RUFY3: variants seen among roughly 807,000 people sequenced by gnomAD.
RUFY3 encodes the protein protein RUFY3.
RUFY3 carries 34 observed loss-of-function variants against 84.0 expected under a neutral mutation model. The observed-to-expected ratio is 0.40, with a 90% CI of 0.31 to 0.54. The LOEUF is 0.54. Ranked by LOEUF, RUFY3 falls within the 20% of genes least tolerant of loss-of-function variation. The pLI is 0.39. For synonymous variants in RUFY3, 242 were observed against 252.9 expected (o/e 0.96, Z 0.41); for missense variants, 507 against 736.8 (o/e 0.69, Z 3.61).
At chr4:70,799,085 C>CA (rs1731893221) in intron 14 of RUFY3, among the ~76,000 whole-genome samples, 1 of 144,704 alleles carries the variant, frequency 6.9e-6, no homozygotes. Context: ...GCAGAGGCTG[C>CA]AGTGAGCCGA....
Position 70,794,825 on chromosome 4 carries a change from A to G in RUFY3, c.1488A>G (p.Glu496=). The stretch of plus-strand genomic sequence containing the variant: ...AGCTTGAGTTAGAACTAAAACAGGA[A>G]AAAGAAAGAAGATTACAAAACGACA... ...RNQLELELKQ[E]KERRLQNDRS... The change falls in exon 14 of 18, where the codon GAA becomes GAG. Residue 496 remains glutamate, a synonymous_variant. Coordinates refer to ENST00000381006, the MANE Select transcript of RUFY3 (RefSeq NM_001037442.4). 6.2e-7 allele frequency: 1 copy of G among 1,613,174 alleles called. No homozygotes were observed. Among genetic ancestry groups the G allele is most frequent in the Non-Finnish European group, 8.5e-7 (1 of 1,179,576 alleles).
chr4:70,738,189 A>G (rs1478322473), intron 1 of RUFY3, among the ~76,000 whole-genome samples: 3 of 145,528 alleles, frequency 2.1e-5, no homozygotes, highest in African/African-American at 7.7e-5. Context: ...GGGTTTCGCC[A>G]TGTTGTCTAG....
intron 4 of RUFY3, among the ~76,000 whole-genome samples, chr4:70,765,049 G>A (rs985053875): frequency 7.9e-5 from 12 of 151,778 alleles, no homozygotes; most frequent in South Asian, 2.1e-4. Context: ...TTAGCCGGGC[G>A]TGGCGGTGGA....
At chr4:70,802,667 A>G (rs1388102628) in intron 15 of RUFY3, among the ~76,000 whole-genome samples, 1 of 152,246 alleles carries the variant, frequency 6.6e-6, no homozygotes, top group Non-Finnish European at 1.5e-5. Context: ...CATAAATGCT[A>G]ACTATTTTGA....
chr4:70,715,687 G>A (rs1394242835), intron 1 of RUFY3, among the ~76,000 whole-genome samples: 2 of 150,762 alleles, frequency 1.3e-5, no homozygotes, highest in East Asian at 3.9e-4. Context: ...TTATGAAACT[G>A]TGATTCAGGA....
At chr4:70,780,002 C>G (rs1269771455) in intron 8 of RUFY3, among the ~76,000 whole-genome samples, 1 of 152,120 alleles carries the variant, frequency 6.6e-6, no homozygotes, top group African/African-American at 2.4e-5. Flanking sequence ...TGAACATTTT[C>G]ATTATTATAG....
chr4:70,789,761 A>T (rs1300641957), intron 12 of RUFY3, 169 bp downstream of exon 12: 2 of 1,267,126 alleles, frequency 1.6e-6, no homozygotes, highest in Non-Finnish European at 2.0e-6. Context: ...CTAAGGTATG[A>T]CTGAAATGTT....
chr4:70,804,504 G>A (rs1038927977), intron 17 of RUFY3, 88 bp downstream of exon 17: 25 of 1,116,990 alleles, frequency 2.2e-5, no homozygotes, highest in Middle Eastern at 4.4e-4. Context: ...GGACTTTCCC[G>A]CATAGAGTGC....
At chr4:70,718,620 A>G (rs1374865342), upstream of RUFY3, among the ~76,000 whole-genome samples, 2 of 152,258 alleles carry the variant, frequency 1.3e-5, no homozygotes, top group Non-Finnish European at 2.9e-5. Flanking sequence ...AAAAAAAATC[A>G]AGGTTTGAAT....
chr4:70,790,788 T>TA (rs1730683242), intron 12 of RUFY3, among the ~76,000 whole-genome samples: 1 of 152,228 alleles, frequency 6.6e-6, no homozygotes, highest in Non-Finnish European at 1.5e-5. Context: ...ATTCAGTAGA[T>TA]ATATGAATGA....
At chr4:70,760,001 C>A (rs2148699267) in intron 1 of RUFY3, among the ~76,000 whole-genome samples, 1 of 152,224 alleles carries the variant, frequency 6.6e-6, no homozygotes, top group Admixed American at 6.5e-5. Flanking sequence ...CTTAAAATGT[C>A]AACAGTGCCA....
At chr4:70,709,261 C>T (rs1740702322) in intron 1 of RUFY3, among the ~76,000 whole-genome samples, 1 of 152,166 alleles carries the variant, frequency 6.6e-6, no homozygotes, top group Non-Finnish European at 1.5e-5. Context: ...GGTTTTTATA[C>T]TTCTAACTTT....
upstream of RUFY3, among the ~76,000 whole-genome samples, chr4:70,720,040 A>G (rs1742085810): frequency 6.6e-6 from 1 of 152,150 alleles, no homozygotes. Context: ...AAGCCTATAT[A>G]TATGCCTTCT....
intron 1 of RUFY3, among the ~76,000 whole-genome samples, chr4:70,744,117 A>G (rs1721756558): frequency 6.6e-6 from 1 of 152,188 alleles, no homozygotes; most frequent in African/African-American, 2.4e-5. Context: ...GAGACCTTCA[A>G]CTGCTAAGCT....
intron 16 of RUFY3, among the ~76,000 whole-genome samples, chr4:70,804,061 G>A (rs1179833958): frequency 6.6e-6 from 1 of 152,112 alleles, no homozygotes; most frequent in East Asian, 1.9e-4. Flanking sequence ...CTTGATGGTA[G>A]AGTGAACAAG....
At chr4:70,758,973 G>C (rs1006551080) in intron 1 of RUFY3, among the ~76,000 whole-genome samples, 1 of 152,028 alleles carries the variant, frequency 6.6e-6, no homozygotes, top group Non-Finnish European at 1.5e-5. Flanking sequence ...GGGAGGCGGA[G>C]CTTGCAGTGA....
intron 9 of RUFY3, among the ~76,000 whole-genome samples, chr4:70,783,897 G>A (rs766496264): frequency 5.3e-4 from 80 of 151,960 alleles, no homozygotes; most frequent in Non-Finnish European, 9.0e-4. Context: ...ACTGATGCTC[G>A]GTGTTATCTT....
chr4:70,759,204 T>TTCTATGAGC (rs1338970409), intron 1 of RUFY3, among the ~76,000 whole-genome samples: 1 of 152,208 alleles, frequency 6.6e-6, no homozygotes, highest in Non-Finnish European at 1.5e-5. Flanking sequence ...TACTCTCTAC[T>TTCTATGAGC]TCTATGAGCT....
intron 1 of RUFY3, among the ~76,000 whole-genome samples, chr4:70,754,778 T>C (rs1723715150): frequency 6.6e-6 from 1 of 152,192 alleles, no homozygotes; most frequent in Admixed American, 6.5e-5. Context: ...AGAACAATTA[T>C]TGCAAAAGTT....
Sources: allele counts gnomAD v4.1 joint callset (sites outside exome capture counted in the v4.1 genomes callset), GRCh38; gene constraint gnomAD v4.1.1; transcripts MANE v1.5; gene names NCBI Gene and HGNC (gene_info 2026-07-23, HGNC 2026-07-21).